MTHFD2L: variants seen among roughly 807,000 people sequenced by gnomAD.
MTHFD2L encodes methylenetetrahydrofolate dehydrogenase (NADP+ dependent) 2 like.
MTHFD2L carries 29 observed loss-of-function variants against 34.9 expected under a neutral mutation model. The observed-to-expected ratio is 0.83, with a 90% CI of 0.62 to 1.13. The LOEUF is 1.13. MTHFD2L is among the 50% of genes most tolerant of loss of function. MTHFD2L has a pLI of 0.00. For missense variants in MTHFD2L, 481 were observed against 446.5 expected, an observed-to-expected ratio of 1.08 and a Z score of -0.70; for synonymous variants, 167 against 155.7, an observed-to-expected ratio of 1.07 and a Z score of -0.54.
At chr4:74,185,692 C>G (rs1262068321) in intron 3 of MTHFD2L, among the ~76,000 whole-genome samples, 1 of 152,130 alleles carries the variant, frequency 6.6e-6, no homozygotes, top group African/African-American at 2.4e-5. Context: ...TGGACAACTT[C>G]CTTGAAAGAT....
intron 7 of MTHFD2L, among the ~76,000 whole-genome samples, chr4:74,285,459 G>C (rs927006728): frequency 6.6e-6 from 1 of 151,982 alleles, no homozygotes; most frequent in East Asian, 1.9e-4. Flanking sequence ...AAACACTTCA[G>C]TTCTCAATGT....
upstream of MTHFD2L, chr4:74,125,334 G>T (rs774519630): frequency 1.3e-5 from 2 of 152,076 alleles, no homozygotes; most frequent in Non-Finnish European, 2.9e-5. Flanking sequence ...ATCCTGTTGG[G>T]ATCATTTCCA....
intron 2 of MTHFD2L, among the ~76,000 whole-genome samples, chr4:74,116,172 G>A (rs1721652486): frequency 6.6e-6 from 1 of 152,080 alleles, no homozygotes; most frequent in Non-Finnish European, 1.5e-5. Flanking sequence ...TGTATATTAG[G>A]ACACATTCTG....
At chr4:74,253,646 C>A (rs1743615142) in intron 6 of MTHFD2L, among the ~76,000 whole-genome samples, 2 of 152,146 alleles carry the variant, frequency 1.3e-5, no homozygotes, top group Non-Finnish European at 2.9e-5. Flanking sequence ...GGCTTCAGGC[C>A]ACCACCATGG....
At chr4:74,176,164 G>A (rs1728990990) in intron 3 of MTHFD2L, among the ~76,000 whole-genome samples, 1 of 151,974 alleles carries the variant, frequency 6.6e-6, no homozygotes, top group Non-Finnish European at 1.5e-5. Context: ...TCGTTTGTGT[G>A]ATGGATTCAC....
At chr4:74,290,998 C>CTTTTTTTT (rs1560565979) in intron 7 of MTHFD2L, among the ~76,000 whole-genome samples, 15 of 46,182 alleles carry the variant, frequency 3.2e-4, no homozygotes, top group African/African-American at 1.0e-3. Context: ...TTTATTTTTC[C>CTTTTTTTT]TTTTCTTTTT....
chr4:74,287,987 G>A (rs1330977305), intron 7 of MTHFD2L, among the ~76,000 whole-genome samples: 1 of 152,182 alleles, frequency 6.6e-6, no homozygotes, highest in Non-Finnish European at 1.5e-5. Context: ...TGTTTCTGCT[G>A]AGTCAACCTT....
At chr4:74,223,063 C>T (rs1434666372) in intron 5 of MTHFD2L, among the ~76,000 whole-genome samples, 1 of 152,000 alleles carries the variant, frequency 6.6e-6, no homozygotes, top group Non-Finnish European at 1.5e-5. Flanking sequence ...TGCCATTCGA[C>T]CCAGCAATCC....
At chr4:74,277,169 T>C (rs1437662353) in intron 6 of MTHFD2L, among the ~76,000 whole-genome samples, 2 of 147,386 alleles carry the variant, frequency 1.4e-5, no homozygotes, top group Non-Finnish European at 3.0e-5. Flanking sequence ...TTTTTTTTTT[T>C]CACAGATATG....
chr4:74,193,659 C>G (rs933601259), intron 3 of MTHFD2L, among the ~76,000 whole-genome samples: 1 of 152,072 alleles, frequency 6.6e-6, no homozygotes, highest in African/African-American at 2.4e-5. Flanking sequence ...ACAATTTACT[C>G]CTAAGCATTT....
intron 3 of MTHFD2L, among the ~76,000 whole-genome samples, chr4:74,177,410 C>T (rs1377030991): frequency 2.0e-5 from 3 of 151,846 alleles, no homozygotes; most frequent in African/African-American, 7.2e-5. Context: ...ATAAACATGT[C>T]ACAACATTAA....
intron 1 of MTHFD2L, among the ~76,000 whole-genome samples, chr4:74,158,816 T>G (rs901708162): frequency 6.6e-6 from 1 of 152,196 alleles, no homozygotes; most frequent in African/African-American, 2.4e-5. Flanking sequence ...CCTAAACCTC[T>G]GTCAGGTGAT....
chr4:74,189,145 G>GA (rs1731979350), intron 3 of MTHFD2L, among the ~76,000 whole-genome samples: 1 of 152,064 alleles, frequency 6.6e-6, no homozygotes, highest in Non-Finnish European at 1.5e-5. Flanking sequence ...AATTTATTAT[G>GA]AAAAACTAAT....
chr4:74,118,880 C>T (rs1721701108), upstream of MTHFD2L, among the ~76,000 whole-genome samples: 1 of 152,196 alleles, frequency 6.6e-6, no homozygotes, highest in African/African-American at 2.4e-5. Flanking sequence ...GGAGTGCACA[C>T]CCTATTGTGA....
At chr4:74,159,563 C>G (rs1313155931) in intron 1 of MTHFD2L, among the ~76,000 whole-genome samples, 1 of 152,204 alleles carries the variant, frequency 6.6e-6, no homozygotes, top group Non-Finnish European at 1.5e-5. Flanking sequence ...CTGTAAACAA[C>G]TCCATCTCCC....
intron 1 of MTHFD2L, among the ~76,000 whole-genome samples, chr4:74,138,834 T>A (rs962145090): frequency 6.6e-6 from 1 of 152,200 alleles, no homozygotes; most frequent in African/African-American, 2.4e-5. Flanking sequence ...CCTGCTCAAA[T>A]GCCTGGGTTT....
At chr4:74,204,903 G>A (rs1389893792) in intron 5 of MTHFD2L, among the ~76,000 whole-genome samples, 1 of 151,950 alleles carries the variant, frequency 6.6e-6, no homozygotes, top group Non-Finnish European at 1.5e-5. Flanking sequence ...AGAATTATAG[G>A]ATAAAAACAA....
chr4:74,256,430 T>G (rs1744037310), intron 6 of MTHFD2L, among the ~76,000 whole-genome samples: 1 of 152,148 alleles, frequency 6.6e-6, no homozygotes, highest in Admixed American at 6.5e-5. Flanking sequence ...TTATTTTTGT[T>G]GCGATTGCTT....
chr4:74,188,347 CT>C (rs1731729395), intron 3 of MTHFD2L, among the ~76,000 whole-genome samples: 2 of 152,130 alleles, frequency 1.3e-5, no homozygotes, highest in South Asian at 4.1e-4. Flanking sequence ...CAGACAGAGC[CT>C]TCTCATTGTG....
Sources: allele counts gnomAD v4.1 joint callset (sites outside exome capture counted in the v4.1 genomes callset), GRCh38; gene constraint gnomAD v4.1.1; transcripts MANE v1.5; gene names NCBI Gene and HGNC (gene_info 2026-07-23, HGNC 2026-07-21).